PITPNC1: variants seen among roughly 807,000 people sequenced by gnomAD.
PITPNC1 encodes the protein phosphatidylinositol transfer protein cytoplasmic 1.
In PITPNC1, 18 loss-of-function variants were observed where a neutral mutation model predicts 44.7. That is an observed-to-expected ratio of 0.40 (90% CI 0.28 to 0.60). The LOEUF is 0.60. Among genes scored for constraint, PITPNC1 ranks in the 20% least tolerant of loss-of-function variants. The probability of loss-of-function intolerance (pLI) is 0.39; values close to 1 mark genes in which losing one functional copy is unlikely to be tolerated. For synonymous variants in PITPNC1, 141 were observed against 149.6 expected (o/e 0.94, Z 0.42); for missense variants, 290 against 418.4 (o/e 0.69, Z 2.68).
chr17:67,665,480 A>G (rs1433730693), intron 6 of PITPNC1, among the ~76,000 whole-genome samples: 1 of 152,156 alleles, frequency 6.6e-6, no homozygotes, highest in African/African-American at 2.4e-5. Context: ...TGGTAACCCT[A>G]TGTTTAATCT....
At chr17:67,431,682 G>C (rs535582815) in intron 1 of PITPNC1, among the ~76,000 whole-genome samples, 1 of 152,244 alleles carries the variant, frequency 6.6e-6, no homozygotes, top group South Asian at 2.1e-4. Flanking sequence ...CTGTGGCCTT[G>C]AATACTAATA....
At chr17:67,487,160 C>G (rs553827908) in intron 1 of PITPNC1, among the ~76,000 whole-genome samples, 3 of 152,148 alleles carry the variant, frequency 2.0e-5, no homozygotes, top group South Asian at 4.2e-4. Flanking sequence ...GTTAGACCAC[C>G]CCAACCACTT....
intron 1 of PITPNC1, among the ~76,000 whole-genome samples, chr17:67,507,964 C>G (rs1182679999): frequency 6.6e-6 from 1 of 152,090 alleles, no homozygotes; most frequent in Non-Finnish European, 1.5e-5. Flanking sequence ...GGCTGCAAAC[C>G]AGGATGTGTT....
chr17:67,608,133 A>G (rs1377602046), intron 5 of PITPNC1, among the ~76,000 whole-genome samples: 2 of 151,934 alleles, frequency 1.3e-5, no homozygotes, highest in Non-Finnish European at 2.9e-5. Context: ...CATTGATACA[A>G]TACTATTATC....
intron 5 of PITPNC1, among the ~76,000 whole-genome samples, chr17:67,618,830 G>A (rs767520373): frequency 6.6e-6 from 1 of 152,078 alleles, no homozygotes; most frequent in South Asian, 2.1e-4. Context: ...AGGCCGAGAC[G>A]GGCAGGATCA....
intron 2 of PITPNC1, among the ~76,000 whole-genome samples, chr17:67,547,169 T>A (rs1377437972): frequency 6.6e-6 from 1 of 152,190 alleles, no homozygotes; most frequent in African/African-American, 2.4e-5. Flanking sequence ...AGGTTTTAGG[T>A]ACGCTGTTGA....
At chr17:67,544,334 C>T (rs2040649052) in intron 2 of PITPNC1, among the ~76,000 whole-genome samples, 2 of 152,018 alleles carry the variant, frequency 1.3e-5, no homozygotes, top group South Asian at 4.1e-4. Context: ...TTTCTTTTGT[C>T]ACCTTTTCTT....
At chr17:67,378,231 C>A in intron 1 of PITPNC1, 29 bp downstream of exon 1, 1 of 1,448,442 alleles carries the variant, frequency 6.9e-7, no homozygotes. Context: ...CCGGCCTCGC[C>A]CGCTCCGGGA....
At chr17:67,471,978 G>A (rs190820308) in intron 1 of PITPNC1, among the ~76,000 whole-genome samples, 16 of 151,964 alleles carry the variant, frequency 1.1e-4, no homozygotes, top group African/African-American at 3.9e-4. Context: ...TTTATGAAGT[G>A]GGCTGGTCAA....
In PITPNC1 at chr17:67,433,322, G is replaced by A. The variant is rs572629813; in HGVS notation, c.48+55120G>A. On this transcript the variant is annotated intron_variant, in intron 1 of 8. Coordinates refer to ENST00000581322, the MANE Select transcript of PITPNC1 (RefSeq NM_012417.4). ...GGTCTTAGCCGCGGGCTGCGGGAGC[G>A]AGCCTGGGCGGGCGGGTAAGGCTGT... Among the ~76,000 whole-genome samples, 17 of 152,320 alleles carry A rather than the reference G, an allele frequency of 1.1e-4. No individual in the cohort carries two copies. In the East Asian group the frequency reaches 1.2e-3, roughly 10 times the overall value.
chr17:67,406,691 A>G (rs1020212682), intron 1 of PITPNC1, among the ~76,000 whole-genome samples: 2 of 149,670 alleles, frequency 1.3e-5, no homozygotes, highest in Non-Finnish European at 3.0e-5. Flanking sequence ...GGTTCAAGCG[A>G]TCCTCCTGCC....
intron 1 of PITPNC1, among the ~76,000 whole-genome samples, chr17:67,525,712 T>G (rs2040383615): frequency 6.6e-6 from 1 of 152,152 alleles, no homozygotes; most frequent in African/African-American, 2.4e-5. Context: ...AGCAATTGCT[T>G]CCCTGTGCTT....
intron 2 of PITPNC1, among the ~76,000 whole-genome samples, chr17:67,536,278 C>G (rs1052778185): frequency 1.3e-5 from 2 of 152,048 alleles, no homozygotes; most frequent in Non-Finnish European, 2.9e-5. Context: ...TTCTGTTTTT[C>G]TTTTTTTGAG....
At chr17:67,574,574 G>A (rs1263070331) in intron 4 of PITPNC1, among the ~76,000 whole-genome samples, 2 of 152,268 alleles carry the variant, frequency 1.3e-5, no homozygotes, top group East Asian at 1.9e-4. Context: ...AAAAGACCTT[G>A]CTTTAAAGCT....
At chr17:67,552,038 G>C (rs2040771058) in intron 2 of PITPNC1, among the ~76,000 whole-genome samples, 1 of 152,172 alleles carries the variant, frequency 6.6e-6, no homozygotes, top group South Asian at 2.1e-4. Context: ...CCCCCACCAG[G>C]CTGTAGCCTT....
At chr17:67,542,535 C>A (rs1270069118) in intron 2 of PITPNC1, among the ~76,000 whole-genome samples, 1 of 152,090 alleles carries the variant, frequency 6.6e-6, no homozygotes, top group Non-Finnish European at 1.5e-5. Context: ...GGAGAGAATC[C>A]CTTAAGAAAT....
intron 1 of PITPNC1, among the ~76,000 whole-genome samples, chr17:67,513,724 G>C (rs997089922): frequency 1.3e-5 from 2 of 152,028 alleles, no homozygotes; most frequent in Middle Eastern, 3.4e-3. Context: ...GACCAAGAAG[G>C]CTTGCAGGAA....
At chr17:67,588,536 G>A (rs973563928) in intron 5 of PITPNC1, among the ~76,000 whole-genome samples, 4 of 151,974 alleles carry the variant, frequency 2.6e-5, no homozygotes, top group African/African-American at 9.7e-5. Flanking sequence ...CGTCAACTCT[G>A]CTCTGTATAT....
intron 1 of PITPNC1, chr17:67,471,369 C>T: frequency 7.2e-6 from 2 of 279,664 alleles, no homozygotes; most frequent in South Asian, 5.9e-5. Context: ...AGTTGATGGA[C>T]ATTTGGGTTA....
Sources: allele counts gnomAD v4.1 joint callset (sites outside exome capture counted in the v4.1 genomes callset), GRCh38; gene constraint gnomAD v4.1.1; transcripts MANE v1.5; gene names NCBI Gene and HGNC (gene_info 2026-07-23, HGNC 2026-07-21).